The following LRRFIP2 variants were observed in gnomAD, a reference collection of about 807,000 sequenced individuals.
The protein encoded by LRRFIP2 is leucine-rich repeat flightless-interacting protein 2.
LRRFIP2 carries 109 observed loss-of-function variants against 125.9 expected under a neutral mutation model. The observed-to-expected ratio is 0.87, with a 90% CI of 0.74 to 1.01. The LOEUF is 1.01. Ranked by LOEUF, LRRFIP2 falls within the 50% of genes least tolerant of loss-of-function variation. The probability of loss-of-function intolerance (pLI) is 0.00; values close to 1 mark genes in which losing one functional copy is unlikely to be tolerated. For missense variants in LRRFIP2, 850 were observed against 862.3 expected (o/e 0.99, Z 0.18); for synonymous variants, 291 against 293.1 (o/e 0.99, Z 0.07).
At chr3:37,104,700 A>C (rs9859086) in intron 14 of LRRFIP2, among the ~76,000 whole-genome samples, 69,275 of 152,082 alleles carry the variant, frequency 0.46, 16,544 homozygotes, top group African/African-American at 0.51. Flanking sequence ...TGTAAAATTT[A>C]AAGCTTCATT....
chr3:37,148,252 T>C (rs879616419), intron 2 of LRRFIP2, among the ~76,000 whole-genome samples: 7 of 152,212 alleles, frequency 4.6e-5, no homozygotes, highest in Non-Finnish European at 5.9e-5. Flanking sequence ...TTTGGATGCA[T>C]TGGATATTGT....
rs2091472252 is a variant in LRRFIP2, at chr3:37,072,861, T to G, written c.1393A>C (p.Lys465Gln). 8 of 1,612,496 alleles carry G rather than the reference T, an allele frequency of 5.0e-6. No homozygotes were observed. The South Asian group carries it at 7.7e-5, about 16-fold the overall frequency. ...LIEEKQRMQQ[K>Q]IDTMTKEVFD... ...ACCTCTTTTGTCATGGTGTCTATTTTCTGCTGCATGCGCTGCTTCTCCTGC... is the reference window on the plus strand; with the variant it reads ...ACCTCTTTTGTCATGGTGTCTATTTGCTGCTGCATGCGCTGCTTCTCCTGC... The change falls in exon 21 of 28, where the codon AAA becomes CAA. Residue 465 changes from lysine (K) to glutamine (Q), a missense_variant. Coordinates refer to ENST00000336686, the MANE Select transcript of LRRFIP2 (RefSeq NM_006309.4).
chr3:37,096,607 C>T lies in LRRFIP2; in HGVS notation c.918+9G>A, dbSNP rs2093731552. ...CTTGAGAATTTCCCTTAGGAATTTACATACTCACTCTTGTATAATTTTCAG... is the reference window on the plus strand; with the variant it reads ...CTTGAGAATTTCCCTTAGGAATTTATATACTCACTCTTGTATAATTTTCAG... On this transcript the variant is annotated intron_variant, in intron 16 of 27. Coordinates refer to ENST00000336686, the MANE Select transcript of LRRFIP2 (RefSeq NM_006309.4). The T allele has an allele frequency of 7.3e-6, 11 of 1,516,990 alleles. No individual in the cohort carries two copies. In the Middle Eastern group the frequency reaches 5.1e-4, roughly 71 times the overall value. The allele number at this position is 1,516,990 out of a possible 1,614,324, so 94.0% of individuals were successfully genotyped here.
chr3:37,155,320 A>G (rs2096152756), intron 1 of LRRFIP2, among the ~76,000 whole-genome samples: 1 of 152,252 alleles, frequency 6.6e-6, no homozygotes, highest in African/African-American at 2.4e-5. Context: ...ACAAAAAAAA[A>G]GCAATCCTTT....
chr3:37,153,076 A>G (rs572282727), intron 1 of LRRFIP2, among the ~76,000 whole-genome samples: 49 of 152,306 alleles, frequency 3.2e-4, no homozygotes, highest in African/African-American at 1.2e-3. Flanking sequence ...AATTCTCTAA[A>G]ATTTCAATAG....
chr3:37,160,501 C>T (rs1457345312), intron 1 of LRRFIP2, among the ~76,000 whole-genome samples: 2 of 152,004 alleles, frequency 1.3e-5, no homozygotes, highest in Non-Finnish European at 2.9e-5. Context: ...AGAACAGGGT[C>T]GGGCGCAGTG....
chr3:37,128,945 C>A, intron 3 of LRRFIP2, 118 bp downstream of exon 3: 1 of 884,958 alleles, frequency 1.1e-6, no homozygotes, highest in Non-Finnish European at 1.8e-6. Context: ...AAAATACATA[C>A]ATCAGTTTAT....
At chr3:37,059,776 A>C (rs1276340718) in intron 24 of LRRFIP2, among the ~76,000 whole-genome samples, 1 of 144,674 alleles carries the variant, frequency 6.9e-6, no homozygotes, top group African/African-American at 2.6e-5. Flanking sequence ...ACAGAGCGAG[A>C]CTCTGTCTCA....
intron 2 of LRRFIP2, among the ~76,000 whole-genome samples, chr3:37,143,035 C>T (rs776635748): frequency 5.3e-5 from 8 of 152,060 alleles, no homozygotes; most frequent in Admixed American, 1.3e-4. Context: ...GTCCCCCTTG[C>T]GCTCTCGTTT....
chr3:37,101,122 C>G (rs2094014316), intron 15 of LRRFIP2, among the ~76,000 whole-genome samples: 1 of 152,022 alleles, frequency 6.6e-6, no homozygotes, highest in African/African-American at 2.4e-5. Flanking sequence ...CTTTGGGAGG[C>G]TGAGGTGGGT....
intron 18 of LRRFIP2, among the ~76,000 whole-genome samples, chr3:37,085,739 T>G (rs1245260886): frequency 6.6e-6 from 1 of 151,636 alleles, no homozygotes; most frequent in Non-Finnish European, 1.5e-5. Context: ...ACATCACCAC[T>G]CCCGGCTAAT....
intron 2 of LRRFIP2, among the ~76,000 whole-genome samples, chr3:37,144,994 A>C (rs2149967329): frequency 1.3e-5 from 2 of 152,348 alleles, no homozygotes; most frequent in Middle Eastern, 6.8e-3. Context: ...ACTCATGCCA[A>C]AAAAACACTG....
chr3:37,078,367 T>C (rs2092315200), intron 19 of LRRFIP2, among the ~76,000 whole-genome samples: 1 of 152,172 alleles, frequency 6.6e-6, no homozygotes, highest in Non-Finnish European at 1.5e-5. Context: ...ATCTTTTAAC[T>C]ATTTTCAGTA....
intron 21 of LRRFIP2, among the ~76,000 whole-genome samples, chr3:37,070,565 A>G: frequency 6.6e-6 from 1 of 151,610 alleles, no homozygotes; most frequent in East Asian, 2.0e-4. Context: ...GTGAAACCCC[A>G]TCTCTACTAA....
intron 18 of LRRFIP2, among the ~76,000 whole-genome samples, chr3:37,089,287 T>C (rs910898272): frequency 3.3e-5 from 5 of 152,198 alleles, no homozygotes; most frequent in Admixed American, 6.5e-5. Context: ...TTCTGGGTAA[T>C]AGTACACATG....
At chr3:37,149,434 T>C (rs1186809133) in intron 1 of LRRFIP2, among the ~76,000 whole-genome samples, 2 of 151,914 alleles carry the variant, frequency 1.3e-5, no homozygotes, top group Non-Finnish European at 2.9e-5. Context: ...GGAAAATCAC[T>C]TGAACCTAGG....
chr3:37,098,290 T>TA (rs56890040), intron 15 of LRRFIP2, among the ~76,000 whole-genome samples: 1 of 152,250 alleles, frequency 6.6e-6, no homozygotes, highest in East Asian at 1.9e-4. Context: ...TTTTTTTTTT[T>TA]ACTATACTTT....
At chr3:37,149,105 T>G in intron 1 of LRRFIP2, 67 bp from the exon 2 acceptor site, 1 of 1,350,042 alleles carries the variant, frequency 7.4e-7, no homozygotes, top group Non-Finnish European at 9.9e-7. Context: ...CATTTATATA[T>G]TCACTTTTAA....
rs73824650 is a variant in LRRFIP2, at chr3:37,125,258, C to A, written c.228+2372G>T. ...GACACCAAAGTCATTCCTTCAGTTT[C>A]AAATTAGAAGGAACTTCAAAAACCG... On this transcript the variant is annotated intron_variant, in intron 4 of 27. Transcript: ENST00000336686. 8.0e-3 allele frequency among the ~76,000 whole-genome samples: 1,213 copies of A among 152,266 alleles called. 11 individuals carry two copies. Among genetic ancestry groups the A allele is most frequent in the African/African-American group, 0.027 (1,103 of 41,540 alleles).
Sources: allele counts gnomAD v4.1 joint callset (sites outside exome capture counted in the v4.1 genomes callset), GRCh38; gene constraint gnomAD v4.1.1; transcripts MANE v1.5; gene names NCBI Gene and HGNC (gene_info 2026-07-23, HGNC 2026-07-21).